The following AGBL4 variants were observed in gnomAD, a reference collection of about 807,000 sequenced individuals.
The protein encoded by AGBL4 is cytosolic carboxypeptidase 6.
A neutral mutation model predicts 66.4 loss-of-function variants in AGBL4; 58 were observed. That is an observed-to-expected ratio of 0.87 (90% CI 0.71 to 1.09). The LOEUF (loss-of-function observed/expected upper bound fraction) is 1.09. AGBL4 is among the 50% of genes least tolerant of loss of function. The pLI is 0.00. For missense variants in AGBL4, 579 were observed against 631.0 expected (o/e 0.92, Z 0.88); for synonymous variants, 234 against 222.9 (o/e 1.05, Z -0.44).
intron 4 of AGBL4, among the ~76,000 whole-genome samples, chr1:49,213,737 G>C (rs1232678179): frequency 1.3e-5 from 2 of 152,060 alleles, no homozygotes; most frequent in Non-Finnish European, 2.9e-5. Flanking sequence ...CAAGCTCCTT[G>C]GTGCTCTGAG....
chr1:48,646,824 G>C (rs559009342), intron 8 of AGBL4, among the ~76,000 whole-genome samples: 1 of 152,096 alleles, frequency 6.6e-6, no homozygotes, highest in Non-Finnish European at 1.5e-5. Flanking sequence ...TCTACTTAAA[G>C]TAGGAGCATC....
At chr1:49,921,060 A>T (rs897025295) in intron 1 of AGBL4, among the ~76,000 whole-genome samples, 11 of 152,130 alleles carry the variant, frequency 7.2e-5, no homozygotes, top group Non-Finnish European at 1.5e-4. Context: ...TGGACACAGG[A>T]AGTGGAACAT....
At chr1:49,735,778 C>A (rs1015982624) in intron 2 of AGBL4, among the ~76,000 whole-genome samples, 4 of 152,070 alleles carry the variant, frequency 2.6e-5, no homozygotes, top group Non-Finnish European at 4.4e-5. Flanking sequence ...AACTGGATTT[C>A]ACCAAAGCTT....
chr1:49,896,062 C>T (rs1051832447), intron 1 of AGBL4, among the ~76,000 whole-genome samples: 11 of 151,202 alleles, frequency 7.3e-5, no homozygotes, highest in African/African-American at 2.4e-4. Context: ...CAAATGGAAA[C>T]AAAATAGAGC....
chr1:49,430,146 C>G (rs1294026892), intron 3 of AGBL4, among the ~76,000 whole-genome samples: 1 of 152,148 alleles, frequency 6.6e-6, no homozygotes, highest in African/African-American at 2.4e-5. Flanking sequence ...AGACACCATG[C>G]CCGGCCACAT....
chr1:48,806,120 G>C (rs1012669994), intron 6 of AGBL4, among the ~76,000 whole-genome samples: 2 of 152,134 alleles, frequency 1.3e-5, no homozygotes, highest in Non-Finnish European at 2.9e-5. Flanking sequence ...AAAGGTATGA[G>C]ATTAGGTTCT....
chr1:49,625,294 T>C (rs1421447107), intron 3 of AGBL4, among the ~76,000 whole-genome samples: 2 of 152,334 alleles, frequency 1.3e-5, no homozygotes, highest in Non-Finnish European at 2.9e-5. Flanking sequence ...TTAGATAATA[T>C]GGTGACTGGC....
At chr1:49,390,941 A>C (rs1411613603) in intron 3 of AGBL4, among the ~76,000 whole-genome samples, 1 of 152,202 alleles carries the variant, frequency 6.6e-6, no homozygotes, top group Admixed American at 6.5e-5. Context: ...CAGTATCAAA[A>C]AGGCCCTTAC....
chr1:49,111,121 T>C (rs1310100065), intron 4 of AGBL4, among the ~76,000 whole-genome samples: 1 of 150,688 alleles, frequency 6.6e-6, no homozygotes, highest in African/African-American at 2.5e-5. Context: ...GAATTTTTTT[T>C]TTTTTTTTTT....
intron 11 of AGBL4, among the ~76,000 whole-genome samples, chr1:48,546,151 TCAC>T (rs935143844): frequency 3.3e-5 from 5 of 152,218 alleles, no homozygotes; most frequent in African/African-American, 1.2e-4. Flanking sequence ...TCACCAATCC[TCAC>T]CAAAGCCCTG....
intron 5 of AGBL4, among the ~76,000 whole-genome samples, chr1:48,918,587 G>A (rs1421725574): frequency 6.6e-6 from 1 of 152,130 alleles, no homozygotes; most frequent in African/African-American, 2.4e-5. Context: ...CCTTATAAAG[G>A]GACCCCAGAG....
At chr1:48,523,178 C>T in the AGBL4 span, among the ~76,000 whole-genome samples, 1 of 152,080 alleles carries the variant, frequency 6.6e-6, no homozygotes, top group Non-Finnish European at 1.5e-5. Context: ...TATATAAATG[C>T]TGGGAACATA....
At chr1:48,886,267 G>T (rs1411366377) in intron 5 of AGBL4, among the ~76,000 whole-genome samples, 2 of 152,170 alleles carry the variant, frequency 1.3e-5, no homozygotes, top group Non-Finnish European at 2.9e-5. Flanking sequence ...CACAGGTTGT[G>T]CATGTAGAAA....
At chr1:48,822,478 A>G (rs1646337686) in intron 6 of AGBL4, among the ~76,000 whole-genome samples, 1 of 152,252 alleles carries the variant, frequency 6.6e-6, no homozygotes, top group Admixed American at 6.5e-5. Context: ...TTCCAGCACC[A>G]TCTGTTGAAA....
intron 3 of AGBL4, among the ~76,000 whole-genome samples, chr1:49,632,942 C>T (rs908497677): frequency 3.3e-5 from 5 of 152,074 alleles, no homozygotes; most frequent in South Asian, 4.2e-4. Context: ...GGCATGGTGG[C>T]GCGTGCCTGT....
At chr1:48,880,955 T>C (rs1168010228) in intron 5 of AGBL4, among the ~76,000 whole-genome samples, 2 of 152,222 alleles carry the variant, frequency 1.3e-5, no homozygotes, top group African/African-American at 2.4e-5. Flanking sequence ...GTTCCTTTTA[T>C]GGAAAGAGCA....
intron 4 of AGBL4, among the ~76,000 whole-genome samples, chr1:49,089,342 G>A (rs190856264): frequency 6.6e-6 from 1 of 151,678 alleles, no homozygotes; most frequent in East Asian, 1.9e-4. Flanking sequence ...GAAGAAATAA[G>A]ATTGATAGAC....
intron 3 of AGBL4, among the ~76,000 whole-genome samples, chr1:49,523,018 C>T (rs1009591583): frequency 8.6e-5 from 13 of 151,992 alleles, no homozygotes; most frequent in African/African-American, 3.1e-4. Flanking sequence ...GAGGAGGTCA[C>T]AGCACAGGAC....
intron 3 of AGBL4, among the ~76,000 whole-genome samples, chr1:49,497,982 CAA>C (rs1647766560): frequency 6.6e-6 from 1 of 151,948 alleles, no homozygotes; most frequent in South Asian, 2.1e-4. Context: ...ACATTTTTAA[CAA>C]TATTCCAATT....
Sources: allele counts gnomAD v4.1 joint callset (sites outside exome capture counted in the v4.1 genomes callset), GRCh38; gene constraint gnomAD v4.1.1; transcripts MANE v1.5; gene names NCBI Gene and HGNC (gene_info 2026-07-23, HGNC 2026-07-21).